IFTAP: variants seen among roughly 807,000 people sequenced by gnomAD.
The protein encoded by IFTAP is intraflagellar transport associated protein.
In IFTAP, 19 loss-of-function variants were observed where a neutral mutation model predicts 19.4. That is an observed-to-expected ratio of 0.98 (90% CI 0.68 to 1.44). The LOEUF is 1.44. Ranked by LOEUF, IFTAP falls within the 40% of genes most tolerant of loss-of-function variation. The probability of loss-of-function intolerance (pLI) is 0.00; values close to 1 mark genes in which losing one functional copy is unlikely to be tolerated. For missense variants in IFTAP, 240 were observed against 253.6 expected (o/e 0.95, Z 0.36); for synonymous variants, 85 against 83.5 (o/e 1.02, Z -0.10).
rs116494976 is a variant in IFTAP, at chr11:36,638,941, T to C, written c.358+2824T>C. Among the ~76,000 whole-genome samples the C allele has an allele frequency of 7.8e-3, 1,183 of 152,314 alleles. 17 individuals are homozygous for C. The highest frequency in any genetic ancestry group is 0.027 in the African/African-American group (1,118 of 41,568). ...TGGTTTTTCAGTGGAGCCAACTCTA[T>C]TAAGCAATGGTATTAAGCAGTTTTC... On this transcript the variant is annotated intron_variant, in intron 4 of 5. Transcript: ENST00000334307.
chr11:36,606,257 G>C (rs111242785), intron 1 of IFTAP, among the ~76,000 whole-genome samples: 14,403 of 152,154 alleles, frequency 0.095, 840 homozygotes, highest in African/African-American at 0.15. Flanking sequence ...TCAGGAGTTC[G>C]AGACCAGTCT....
At chr11:36,643,346 A>G (rs1853317908) in intron 4 of IFTAP, among the ~76,000 whole-genome samples, 1 of 152,242 alleles carries the variant, frequency 6.6e-6, no homozygotes, top group South Asian at 2.1e-4. Flanking sequence ...ATGAAATAAA[A>G]GAGGATACAA....
At chr11:36,644,871 G>C (rs1853412100) in intron 4 of IFTAP, among the ~76,000 whole-genome samples, 1 of 128,974 alleles carries the variant, frequency 7.8e-6, no homozygotes, top group Admixed American at 8.5e-5. Flanking sequence ...GAGGGGGAGG[G>C]ATAGCATTAG....
intron 2 of IFTAP, among the ~76,000 whole-genome samples, chr11:36,632,616 A>G (rs1033846022): frequency 6.6e-6 from 1 of 151,408 alleles, no homozygotes; most frequent in Non-Finnish European, 1.5e-5. Context: ...TTTAGTACAA[A>G]GATATTCATT....
chr11:36,650,920 G>A (rs1361205254), intron 5 of IFTAP, among the ~76,000 whole-genome samples: 2 of 152,212 alleles, frequency 1.3e-5, no homozygotes, highest in Non-Finnish European at 2.9e-5. Flanking sequence ...ATTCCATGGT[G>A]TATATGTGCC....
chr11:36,653,849 T>G (rs1002546170), intron 5 of IFTAP, among the ~76,000 whole-genome samples: 1 of 152,128 alleles, frequency 6.6e-6, no homozygotes, highest in African/African-American at 2.4e-5. Flanking sequence ...CAGTAAACAT[T>G]TATTAAATGA....
chr11:36,633,459 G>C (rs1210897421), intron 3 of IFTAP, 21 bp downstream of exon 3: 1 of 1,457,958 alleles, frequency 6.9e-7, no homozygotes, highest in South Asian at 1.6e-5. Flanking sequence ...CATAGTACAT[G>C]TATAGAAACA....
intron 1 of IFTAP, among the ~76,000 whole-genome samples, chr11:36,607,000 C>T (rs570292658): frequency 2.0e-5 from 3 of 152,214 alleles, no homozygotes; most frequent in African/African-American, 7.2e-5. Flanking sequence ...AGTGCTTTTT[C>T]GTGTATCTAA....
intron 1 of IFTAP, among the ~76,000 whole-genome samples, chr11:36,606,025 T>G (rs933984895): frequency 8.5e-5 from 13 of 152,228 alleles, no homozygotes; most frequent in African/African-American, 3.1e-4. Context: ...TAAGTCATTA[T>G]CTGTTCTGTC....
chr11:36,648,201 G>T, intron 5 of IFTAP, 46 bp downstream of exon 5: 6 of 1,580,742 alleles, frequency 3.8e-6, no homozygotes, highest in Non-Finnish European at 5.2e-6. Context: ...CCTTGATTTT[G>T]TAATTCATCC....
At chr11:36,628,128 C>T (rs1852588254) in intron 2 of IFTAP, among the ~76,000 whole-genome samples, 1 of 150,782 alleles carries the variant, frequency 6.6e-6, no homozygotes, top group African/African-American at 2.5e-5. Flanking sequence ...CACTTTGATC[C>T]ATTCTATCCA....
chr11:36,652,640 A>G (rs1211077425), intron 5 of IFTAP, among the ~76,000 whole-genome samples: 1 of 152,268 alleles, frequency 6.6e-6, no homozygotes, highest in East Asian at 1.9e-4. Flanking sequence ...CAGTTTTCAA[A>G]GGGAACGCTT....
At chr11:36,603,646 G>A (rs1162127403) in intron 1 of IFTAP, among the ~76,000 whole-genome samples, 1 of 152,124 alleles carries the variant, frequency 6.6e-6, no homozygotes, top group African/African-American at 2.4e-5. Context: ...TTACAGCCAG[G>A]CACAGTGGCT....
chr11:36,619,265 A>G (rs1266894287), intron 2 of IFTAP, among the ~76,000 whole-genome samples: 1 of 152,062 alleles, frequency 6.6e-6, no homozygotes, highest in Non-Finnish European at 1.5e-5. Context: ...CTTCTAAAAA[A>G]TGTAATTAAA....
chr11:36,616,761 A>C (rs1852108474), intron 2 of IFTAP, among the ~76,000 whole-genome samples: 1 of 151,964 alleles, frequency 6.6e-6, no homozygotes, highest in Non-Finnish European at 1.5e-5. Flanking sequence ...TGCACTGTCC[A>C]ACACAGTAGC....
Position 36,631,940 on chromosome 11 carries a change from C to T in IFTAP, c.137-1344C>T, listed in dbSNP as rs796142257. 3.6e-4 allele frequency among the ~76,000 whole-genome samples: 55 copies of T among 151,358 alleles called. 3 individuals carry two copies. Among genetic ancestry groups the T allele is most frequent in the African/African-American group, 1.3e-3 (54 of 40,680 alleles). ...TCTTCTTTGTCTCCTTTCTGGCTCC[C>T]TGCCCCCACCTTTCTGCTCCTTTTT... On this transcript the variant is annotated intron_variant, in intron 2 of 5. Coordinates refer to ENST00000334307, the MANE Select transcript of IFTAP (RefSeq NM_138787.4).
intron 1 of IFTAP, among the ~76,000 whole-genome samples, chr11:36,605,946 G>C (rs1169585779): frequency 6.6e-6 from 1 of 152,100 alleles, no homozygotes; most frequent in Non-Finnish European, 1.5e-5. Context: ...GTATGTGAAT[G>C]GTAATTGAAA....
chr11:36,644,513 G>T (rs1853384665), intron 4 of IFTAP, among the ~76,000 whole-genome samples: 2 of 152,122 alleles, frequency 1.3e-5, no homozygotes, highest in Admixed American at 6.5e-5. Flanking sequence ...ATACCCAAAG[G>T]ATTATAAATC....
At chr11:36,650,731 G>C (rs1379575447) in intron 5 of IFTAP, among the ~76,000 whole-genome samples, 1 of 151,816 alleles carries the variant, frequency 6.6e-6, no homozygotes, top group Non-Finnish European at 1.5e-5. Context: ...ACAGGCCCTG[G>C]TGTGTGATGT....
Sources: gnomAD v4.1 joint callset for allele counts (sites outside exome capture counted in the v4.1 genomes callset) on GRCh38, gnomAD v4.1.1 for gene constraint, MANE v1.5 for transcripts, NCBI Gene and HGNC (gene_info 2026-07-23, HGNC 2026-07-21) for gene names.